The following CERS6 variants were observed in gnomAD, a reference collection of about 807,000 sequenced individuals.
The protein encoded by CERS6 is ceramide synthase 6.
CERS6 carries 26 observed loss-of-function variants against 56.8 expected under a neutral mutation model. The ratio of observed to expected loss-of-function variants is 0.46; its 90% CI spans 0.34 to 0.63. The LOEUF is 0.63. Ranked by LOEUF, CERS6 falls within the 30% of genes least tolerant of loss-of-function variation. The probability of loss-of-function intolerance (pLI) is 0.01; values close to 1 mark genes in which losing one functional copy is unlikely to be tolerated. For missense variants in CERS6, 415 were observed against 467.5 expected (o/e 0.89, Z 1.04); for synonymous variants, 164 against 173.3 (o/e 0.95, Z 0.42).
chr2:168,681,398 G>T (rs1307850171), intron 4 of CERS6, among the ~76,000 whole-genome samples: 1 of 152,160 alleles, frequency 6.6e-6, no homozygotes, highest in Non-Finnish European at 1.5e-5. Context: ...AAGTTAATTA[G>T]AATTATTGAA....
At chr2:168,683,033 TTAAA>T (rs1425024156) in intron 4 of CERS6, among the ~76,000 whole-genome samples, 2 of 152,232 alleles carry the variant, frequency 1.3e-5, no homozygotes, top group Admixed American at 6.5e-5. Context: ...TTAATTATTT[TTAAA>T]TAATAAATGC....
chr2:168,685,477 A>G (rs1349655347), intron 4 of CERS6, among the ~76,000 whole-genome samples: 1 of 152,130 alleles, frequency 6.6e-6, no homozygotes, highest in Non-Finnish European at 1.5e-5. Flanking sequence ...GGCTTTCACT[A>G]ACATGATAAT....
At chr2:168,588,895 C>T (rs545841202) in intron 3 of CERS6, among the ~76,000 whole-genome samples, 7 of 152,306 alleles carry the variant, frequency 4.6e-5, no homozygotes, top group African/African-American at 1.7e-4. Flanking sequence ...TGTGCCACCA[C>T]GCCTGGCCAT....
chr2:168,498,592 G>A (rs552451320), intron 1 of CERS6, among the ~76,000 whole-genome samples: 5 of 152,328 alleles, frequency 3.3e-5, no homozygotes, highest in African/African-American at 9.6e-5. Flanking sequence ...TGTGTCCCAC[G>A]TTCACCTGGG....
intron 7 of CERS6, 88 bp downstream of exon 7, chr2:168,715,217 G>A: frequency 1.8e-6 from 2 of 1,130,246 alleles, no homozygotes; most frequent in Admixed American, 2.5e-5. Flanking sequence ...TATGCTAGAT[G>A]GTGCTTGGGT....
chr2:168,659,892 C>A (rs955846101), intron 4 of CERS6, among the ~76,000 whole-genome samples: 1 of 152,080 alleles, frequency 6.6e-6, no homozygotes, highest in African/African-American at 2.4e-5. Context: ...AGGAAACATT[C>A]CATTAAAAAG....
At chr2:168,547,456 A>T in intron 1 of CERS6, 140 bp from the exon 2 acceptor site, 1 of 642,416 alleles carries the variant, frequency 1.6e-6, no homozygotes, top group Non-Finnish European at 2.8e-6. Flanking sequence ...AGTTACTGAC[A>T]GGAGTGTTGA....
At chr2:168,472,775 T>A (rs1319198207) in intron 1 of CERS6, among the ~76,000 whole-genome samples, 2 of 152,200 alleles carry the variant, frequency 1.3e-5, no homozygotes, top group East Asian at 3.8e-4. Context: ...AGATTAAGGA[T>A]GTTAAATAGG....
intron 3 of CERS6, among the ~76,000 whole-genome samples, chr2:168,628,252 AT>A (rs1296497895): frequency 6.6e-6 from 1 of 152,102 alleles, no homozygotes; most frequent in Admixed American, 6.6e-5. Flanking sequence ...TCATTCCCGA[AT>A]TTAGAGATAT....
intron 8 of CERS6, among the ~76,000 whole-genome samples, chr2:168,763,318 T>C (rs1684633128): frequency 6.8e-6 from 1 of 147,874 alleles, no homozygotes; most frequent in South Asian, 2.2e-4. Flanking sequence ...CTTGGCTCAC[T>C]GCAACCTCTG....
At chr2:168,598,593 A>G (rs1250311016) in intron 3 of CERS6, among the ~76,000 whole-genome samples, 2 of 152,216 alleles carry the variant, frequency 1.3e-5, no homozygotes, top group African/African-American at 4.8e-5. Context: ...TGGCAATCCA[A>G]GAATATAATG....
intron 3 of CERS6, among the ~76,000 whole-genome samples, chr2:168,624,283 G>T (rs1684540081): frequency 1.3e-5 from 2 of 152,138 alleles, no homozygotes; most frequent in African/African-American, 2.4e-5. Flanking sequence ...AACAGAGATG[G>T]TAGCAGCAGA....
chr2:168,691,813 A>G (rs185273603), intron 5 of CERS6, among the ~76,000 whole-genome samples: 173 of 152,332 alleles, frequency 1.1e-3, no homozygotes, highest in African/African-American at 3.8e-3. Flanking sequence ...GTTGGGATAT[A>G]TTATGTAAGA....
At chr2:168,741,373 TA>T (rs200311434) in intron 8 of CERS6, among the ~76,000 whole-genome samples, 18 of 147,106 alleles carry the variant, frequency 1.2e-4, no homozygotes, top group African/African-American at 2.8e-4. Context: ...TTTGGAGAAT[TA>T]AAAAAAAAAA....
chr2:168,514,733 G>C (rs1694856176), intron 1 of CERS6, among the ~76,000 whole-genome samples: 1 of 152,206 alleles, frequency 6.6e-6, no homozygotes, highest in Non-Finnish European at 1.5e-5. Context: ...GAGGAGCAAT[G>C]AGCAGTAGAA....
At chr2:168,693,692 CCTT>C (rs527464450) in intron 5 of CERS6, among the ~76,000 whole-genome samples, 19 of 152,026 alleles carry the variant, frequency 1.2e-4, no homozygotes, top group Non-Finnish European at 2.6e-4. Flanking sequence ...AGCTCATGTC[CCTT>C]CTTCTAAGGG....
intron 8 of CERS6, among the ~76,000 whole-genome samples, chr2:168,760,823 T>A (rs1025593721): frequency 1.3e-5 from 2 of 152,106 alleles, no homozygotes; most frequent in East Asian, 3.9e-4. Flanking sequence ...TGGCGCGATC[T>A]CGGCTCACTG....
intron 3 of CERS6, among the ~76,000 whole-genome samples, chr2:168,578,647 C>A (rs1288697505): frequency 6.6e-6 from 1 of 152,062 alleles, no homozygotes; most frequent in African/African-American, 2.4e-5. Context: ...AAAAAAGCAG[C>A]ATGTTTTTAT....
chr2:168,547,461 TGTTGA>T, intron 1 of CERS6, 130 bp from the exon 2 acceptor site: 2 of 647,882 alleles, frequency 3.1e-6, no homozygotes, highest in Non-Finnish European at 5.4e-6. Context: ...CTGACAGGAG[TGTTGA>T]CAATGTACAC....
Sources: allele counts gnomAD v4.1 joint callset (sites outside exome capture counted in the v4.1 genomes callset), GRCh38; gene constraint gnomAD v4.1.1; transcripts MANE v1.5; gene names NCBI Gene and HGNC (gene_info 2026-07-23, HGNC 2026-07-21).